Variants in SLCO6A1 observed in about 807,000 individuals in gnomAD.
The protein encoded by SLCO6A1 is cancer/testis antigen 48.
Under a neutral mutation model 72.7 loss-of-function variants are expected in SLCO6A1, and 65 were observed. The observed-to-expected ratio is 0.89, with a 90% CI of 0.73 to 1.10. The LOEUF is 1.10. Ranked by LOEUF, SLCO6A1 falls within the 50% of genes least tolerant of loss-of-function variation. The pLI, the probability that SLCO6A1 is intolerant of heterozygous loss-of-function variation, is 0.00. For synonymous variants in SLCO6A1, 314 were observed against 298.2 expected (o/e 1.05, Z -0.55); for missense variants, 874 against 872.6 (o/e 1.00, Z -0.02).
At chr5:102,411,996 A>G (rs778182604) in intron 9 of SLCO6A1, among the ~76,000 whole-genome samples, 1 of 152,152 alleles carries the variant, frequency 6.6e-6, no homozygotes. Context: ...AGCCACTATG[A>G]GACTTCAAAA....
chr5:102,385,606 A>G (rs1746368059), intron 12 of SLCO6A1, among the ~76,000 whole-genome samples: 1 of 151,852 alleles, frequency 6.6e-6, no homozygotes, highest in African/African-American at 2.4e-5. Flanking sequence ...TTCTCTATGA[A>G]ATTTTTCAGT....
At chr5:102,423,201 A>T (rs1240212067) in intron 7 of SLCO6A1, among the ~76,000 whole-genome samples, 3 of 152,224 alleles carry the variant, frequency 2.0e-5, no homozygotes. Flanking sequence ...AACACTATGA[A>T]GAAACTCCAT....
intron 4 of SLCO6A1, among the ~76,000 whole-genome samples, chr5:102,473,128 T>C (rs1751714332): frequency 6.6e-6 from 1 of 151,990 alleles, no homozygotes; most frequent in Non-Finnish European, 1.5e-5. Context: ...ATTCTTTCTA[T>C]GTGGCCAACA....
chr5:102,383,094 G>GTGTGTGTGTGTGT lies in SLCO6A1; in HGVS notation c.2017+5593_2017+5594insACACACACACACA. Among the ~76,000 whole-genome samples the GTGTGTGTGTGTGT allele has an allele frequency of 7.0e-4, 98 of 140,858 alleles. 2 individuals are homozygous for GTGTGTGTGTGTGT. The highest frequency in any genetic ancestry group is 2.2e-3 in the African/African-American group (84 of 37,600). The allele number at this position is 140,858 out of a possible 152,430, so 92.4% of individuals were successfully genotyped here. A position where few individuals can be genotyped will look rare whatever the true frequency, so the allele number is the denominator to read the frequency against. On this transcript the variant is annotated intron_variant, in intron 12 of 13. Transcript: ENST00000506729. ...ATATATAGTGTATGTATATGTGTGT[G>GTGTGTGTGTGTGT]AATATATATATATATAGTGTTTTAT... is the stretch of plus-strand genomic sequence containing the variant.
At chr5:102,436,221 C>T (rs59834834) in intron 7 of SLCO6A1, among the ~76,000 whole-genome samples, 3,570 of 152,206 alleles carry the variant, frequency 0.023, 143 homozygotes, top group African/African-American at 0.082. Flanking sequence ...TAGTGTGATT[C>T]CCATTACCTT....
Position 102,459,728 on chromosome 5 carries a change from T to G in SLCO6A1, c.949A>C (p.Asn317His). Reference protein sequence around the residue: ...SPEWLWTWWINFLFAAVVAWC... With the variant: ...SPEWLWTWWIHFLFAAVVAWC... Reference sequence around the variant, plus strand: ...GCAACGACAGCGGCAAAAAGAAAATTAATCCACCAAGTCCATAGCCATTCT... The same window carrying G: ...GCAACGACAGCGGCAAAAAGAAAATGAATCCACCAAGTCCATAGCCATTCT... Residue 317 changes from asparagine (N) to histidine (H), a missense_variant, in exon 5 of 14, where the codon AAT becomes CAT. Physicochemically the swap from Asn to His is moderately conservative, Grantham distance 68 (BLOSUM62 1). Transcript: ENST00000506729. 1.9e-6 allele frequency: 3 copies of G among 1,610,950 alleles called. No individual in the cohort carries two copies. The highest frequency in any genetic ancestry group is 2.5e-6 in the Non-Finnish European group (3 of 1,178,618).
chr5:102,387,292 T>TC (rs1174689754), intron 12 of SLCO6A1, among the ~76,000 whole-genome samples: 2 of 152,202 alleles, frequency 1.3e-5, no homozygotes, highest in African/African-American at 4.8e-5. Flanking sequence ...CAGTTCTCTA[T>TC]CTTTGCCTTT....
At chr5:102,416,053 A>G (rs1042907462) in intron 8 of SLCO6A1, among the ~76,000 whole-genome samples, 5 of 152,162 alleles carry the variant, frequency 3.3e-5, no homozygotes, top group African/African-American at 4.8e-5. Flanking sequence ...AAGTTAAAAG[A>G]TAACAGATGT....
intron 1 of SLCO6A1, among the ~76,000 whole-genome samples, chr5:102,481,925 G>A (rs1260705337): frequency 6.6e-6 from 1 of 152,172 alleles, no homozygotes; most frequent in Middle Eastern, 3.4e-3. Context: ...ATTTTTGAGG[G>A]GAAATATATT....
chr5:102,478,865 T>C (rs542825412), intron 2 of SLCO6A1, among the ~76,000 whole-genome samples: 13 of 152,320 alleles, frequency 8.5e-5, no homozygotes, highest in Admixed American at 6.5e-5. Context: ...TGAAATGATT[T>C]TGACTTCATA....
At chr5:102,412,848 T>C in intron 9 of SLCO6A1, 142 bp downstream of exon 9, 1 of 314,512 alleles carries the variant, frequency 3.2e-6, no homozygotes, top group Non-Finnish European at 5.6e-6. Flanking sequence ...AAAATAGGTT[T>C]TATACAGAGT....
At chr5:102,454,190 T>C (rs961017938) in intron 6 of SLCO6A1, among the ~76,000 whole-genome samples, 14 of 152,158 alleles carry the variant, frequency 9.2e-5, no homozygotes, top group Admixed American at 9.2e-4. Context: ...GACTTTTCCA[T>C]GGAGCTCAAA....
chr5:102,399,246 CATT>C (rs1431139384), intron 10 of SLCO6A1, among the ~76,000 whole-genome samples: 1 of 147,356 alleles, frequency 6.8e-6, no homozygotes, highest in Admixed American at 6.8e-5. Flanking sequence ...AATGAGTTAA[CATT>C]ATAATCAAAT....
intron 9 of SLCO6A1, among the ~76,000 whole-genome samples, chr5:102,412,283 C>T (rs1450274905): frequency 6.6e-6 from 1 of 152,080 alleles, no homozygotes; most frequent in Admixed American, 6.6e-5. Flanking sequence ...TCACTGTGAC[C>T]ACCTTGAGCA....
chr5:102,495,582 C>T (rs960304000), intron 1 of SLCO6A1, among the ~76,000 whole-genome samples: 1 of 151,886 alleles, frequency 6.6e-6, no homozygotes, highest in African/African-American at 2.4e-5. Context: ...GTGACAAGAG[C>T]AAGACTCACT....
chr5:102,378,162 T>A (rs528754299), intron 12 of SLCO6A1, among the ~76,000 whole-genome samples: 83 of 152,162 alleles, frequency 5.5e-4, no homozygotes, highest in Admixed American at 4.0e-3. Flanking sequence ...TCTTTTTTTT[T>A]AAATTATACT....
At chr5:102,399,135 T>C (rs1747259370) in intron 10 of SLCO6A1, among the ~76,000 whole-genome samples, 1 of 152,162 alleles carries the variant, frequency 6.6e-6, no homozygotes, top group Non-Finnish European at 1.5e-5. Flanking sequence ...ACTGAAATTC[T>C]AAAAGTTATT....
At chr5:102,438,417 AG>A in intron 7 of SLCO6A1, 199 bp downstream of exon 7, 1 of 376,256 alleles carries the variant, frequency 2.7e-6, no homozygotes, top group Non-Finnish European at 4.8e-6. Context: ...GGGATAAAGG[AG>A]GAACACGGAA....
intron 12 of SLCO6A1, among the ~76,000 whole-genome samples, chr5:102,387,200 A>C (rs2112505996): frequency 6.6e-6 from 1 of 152,294 alleles, no homozygotes; most frequent in Middle Eastern, 3.4e-3. Context: ...AAGAACACCA[A>C]GTGATTTTGA....
Sources: gnomAD v4.1 joint callset for allele counts (sites outside exome capture counted in the v4.1 genomes callset) on GRCh38, gnomAD v4.1.1 for gene constraint, MANE v1.5 for transcripts, NCBI Gene and HGNC (gene_info 2026-07-23, HGNC 2026-07-21) for gene names.